The following MYL4 variants were observed in gnomAD, a reference collection of about 807,000 sequenced individuals.
MYL4 encodes the protein myosin light chain 4.
A neutral mutation model predicts 21.6 loss-of-function variants in MYL4; 16 were observed. The observed-to-expected ratio is 0.74, with a 90% CI of 0.50 to 1.12. The LOEUF is 1.12. Among genes scored for constraint, MYL4 ranks in the 50% most tolerant of loss-of-function variants. The probability of loss-of-function intolerance (pLI) is 0.00; values close to 1 mark genes in which losing one functional copy is unlikely to be tolerated. For missense variants in MYL4, 249 were observed against 252.9 expected, an observed-to-expected ratio of 0.98 and a Z score of 0.11; for synonymous variants, 82 against 95.7, an observed-to-expected ratio of 0.86 and a Z score of 0.83.
upstream of MYL4, among the ~76,000 whole-genome samples, chr17:47,195,875 G>T (rs1386915489): frequency 1.3e-5 from 2 of 152,118 alleles, no homozygotes; most frequent in Admixed American, 1.3e-4. Flanking sequence ...GTCTACTTCT[G>T]GTCTAGTCTA....
chr17:47,195,603 C>T (rs889298035), upstream of MYL4, among the ~76,000 whole-genome samples: 5 of 152,166 alleles, frequency 3.3e-5, no homozygotes, highest in Non-Finnish European at 7.3e-5. Flanking sequence ...AGGTGATCCG[C>T]CTGCCATGGC....
At position 47,221,868 on chromosome 17, in the gene MYL4, G is replaced by A. The variant is rs1223343679; in HGVS notation, c.487+13G>A. The A allele has an allele frequency of 4.3e-6, 7 of 1,609,904 alleles. No homozygotes were observed. Among genetic ancestry groups the A allele is most frequent in the Middle Eastern group, 1.7e-4 (1 of 6,046 alleles). On this transcript the variant is annotated intron_variant, in intron 4 of 6. Transcript: ENST00000393450. ...CTTGCCACCCTGGGTATGCCAGCTG[G>A]GCAGAGATGAAGACCAAGTGGGAGG...
intron 2 of MYL4, among the ~76,000 whole-genome samples, chr17:47,218,421 T>C (rs1432876363): frequency 6.6e-6 from 1 of 152,186 alleles, no homozygotes; most frequent in Non-Finnish European, 1.5e-5. Flanking sequence ...TCTTTGTGGG[T>C]AGCATAAGGT....
chr17:47,192,043 C>CT, the MYL4 span, among the ~76,000 whole-genome samples: 3 of 152,076 alleles, frequency 2.0e-5, no homozygotes, highest in Non-Finnish European at 4.4e-5. Flanking sequence ...AGCCTTTTTT[C>CT]TTTTTTTAAC....
rs1390187341 is a variant in MYL4 at position 47,209,557 on chromosome 17, G to A, written c.135G>A (p.Lys45=). The A allele has an allele frequency of 1.2e-6, 2 of 1,614,222 alleles. No homozygotes were observed. Among genetic ancestry groups the A allele is most frequent in the South Asian group, 2.2e-5 (2 of 91,080 alleles). The part of the protein sequence containing the change: ...KEPAFDPKSV[K]IDFTADQIEE... ...CTGCCTTTGACCCCAAGAGTGTAAA[G>A]GTAAGTGAGGCTCAGCCATTGGGAT... Residue 45 remains lysine (K), a splice_region_variant and synonymous_variant, in exon 1 of 7, where the codon AAG becomes AAA. Coordinates refer to ENST00000393450, the MANE Select transcript of MYL4 (RefSeq NM_002476.2).
At chr17:47,222,276 C>A in intron 4 of MYL4, 104 bp from the exon 5 acceptor site, 2 of 1,124,814 alleles carry the variant, frequency 1.8e-6, no homozygotes, top group Non-Finnish European at 1.3e-6. Context: ...CCTCCCAGAT[C>A]CAGGCAGTCT....
the MYL4 span, among the ~76,000 whole-genome samples, chr17:47,194,897 C>T: frequency 1.3e-5 from 2 of 151,910 alleles, no homozygotes; most frequent in South Asian, 2.1e-4. Context: ...CATGCCACCA[C>T]GCCTGGCTAT....
At chr17:47,190,517 G>A in the MYL4 span, among the ~76,000 whole-genome samples, 3 of 152,276 alleles carry the variant, frequency 2.0e-5, no homozygotes, top group East Asian at 1.9e-4. Context: ...ATATTCCATT[G>A]CTTGGAAATT....
At chr17:47,194,764 ATT>A in the MYL4 span, among the ~76,000 whole-genome samples, 1 of 146,896 alleles carries the variant, frequency 6.8e-6, no homozygotes, top group Non-Finnish European at 1.5e-5. Context: ...ATTACATAGA[ATT>A]TTTTTTTTTT....
chr17:47,222,280 G>T, intron 4 of MYL4, 100 bp from the exon 5 acceptor site: 1 of 1,154,106 alleles, frequency 8.7e-7, no homozygotes, highest in Non-Finnish European at 1.3e-6. Flanking sequence ...CCAGATCCAG[G>T]CAGTCTTGGA....
In MYL4 at chr17:47,219,953, G is replaced by A; in HGVS notation, c.213G>A (p.Met71Ile). The stretch of plus-strand genomic sequence containing the variant: ...TTGACCGGACCCCGACTGGAGAGAT[G>A]AAGATCACCTACGGCCAGTGCGGGG... ...SLFDRTPTGE[M>I]KITYGQCGDV... Residue 71 changes from methionine (M) to isoleucine (I), a missense_variant, in exon 3 of 7, where the codon ATG (methionine) becomes ATA (isoleucine). Transcript: ENST00000393450. 6.2e-7 allele frequency: 1 copy of A among 1,614,216 alleles called. No individual in the cohort carries two copies. Among genetic ancestry groups the A allele is most frequent in the East Asian group, 2.2e-5 (1 of 44,876 alleles).
chr17:47,207,279 G>A (rs892815194), upstream of MYL4, among the ~76,000 whole-genome samples: 3 of 152,174 alleles, frequency 2.0e-5, no homozygotes, highest in Non-Finnish European at 4.4e-5. Flanking sequence ...TACAGGAGGA[G>A]CAGTGAAGAG....
At chr17:47,209,738 G>C (rs1353498502) in intron 1 of MYL4, 181 bp downstream of exon 1, 5 of 847,854 alleles carry the variant, frequency 5.9e-6, no homozygotes, top group Non-Finnish European at 9.5e-6. Flanking sequence ...GGGAGATTGA[G>C]TCATAAACCT....
At chr17:47,206,920 G>T (rs1389432057), upstream of MYL4, among the ~76,000 whole-genome samples, 1 of 152,154 alleles carries the variant, frequency 6.6e-6, no homozygotes, top group East Asian at 1.9e-4. Flanking sequence ...AAGGAGGAGG[G>T]CCTGGGCTTC....
chr17:47,208,666 C>G (rs564731334), upstream of MYL4, among the ~76,000 whole-genome samples: 1 of 152,168 alleles, frequency 6.6e-6, no homozygotes, highest in East Asian at 1.9e-4. Context: ...GACTTTCTAC[C>G]ACATCTCTCT....
downstream of MYL4, among the ~76,000 whole-genome samples, chr17:47,224,668 G>A (rs2064878559): frequency 6.6e-6 from 1 of 152,154 alleles, no homozygotes; most frequent in Non-Finnish European, 1.5e-5. Flanking sequence ...ATGTCCTCGT[G>A]TTCCTTTTTT....
In MYL4 at chr17:47,221,497, C is replaced by A. The variant is rs147133638; in HGVS notation, c.314-185C>A. Among the ~76,000 whole-genome samples, 4 of 152,284 alleles carry A rather than the reference C, an allele frequency of 2.6e-5. No individual in the cohort carries two copies. The East Asian group carries it at 5.8e-4, about 22-fold the overall frequency. On this transcript the variant is annotated intron_variant, in intron 3 of 6. Coordinates refer to ENST00000393450, the MANE Select transcript of MYL4 (RefSeq NM_002476.2). ...TGAGACCATCTCCCCAGCTCCCAGT[C>A]CCCTACCTTGCTTGGATGGGAAGCT...
At chr17:47,204,399 G>A (rs975308196), upstream of MYL4, among the ~76,000 whole-genome samples, 1 of 152,144 alleles carries the variant, frequency 6.6e-6, no homozygotes, top group African/African-American at 2.4e-5. Flanking sequence ...TCTTGGGATA[G>A]GGAGCCATGG....
At chr17:47,211,555 T>C (rs2064775821) in intron 1 of MYL4, among the ~76,000 whole-genome samples, 1 of 152,220 alleles carries the variant, frequency 6.6e-6, no homozygotes, top group South Asian at 2.1e-4. Context: ...AAACTGTGCC[T>C]TTTCCTCAGA....
Sources: allele counts gnomAD v4.1 joint callset (sites outside exome capture counted in the v4.1 genomes callset), GRCh38; gene constraint gnomAD v4.1.1; transcripts MANE v1.5; gene names NCBI Gene and HGNC (gene_info 2026-07-23, HGNC 2026-07-21).